Variants in ANAPC7 observed in about 807,000 individuals in gnomAD.
ANAPC7 encodes the protein anaphase promoting complex subunit 7, also known as anaphase-promoting complex subunit 7.
ANAPC7 carries 25 observed loss-of-function variants against 63.3 expected under a neutral mutation model. That is an observed-to-expected ratio of 0.39 (90% CI 0.29 to 0.55). The LOEUF (loss-of-function observed/expected upper bound fraction) is 0.55, where lower values mean the gene tolerates loss of function less well. Among genes scored for constraint, ANAPC7 ranks in the 20% least tolerant of loss-of-function variants. ANAPC7 has a pLI of 0.57. For missense variants in ANAPC7, 516 were observed against 691.7 expected, an observed-to-expected ratio of 0.75 and a Z score of 2.85; for synonymous variants, 241 against 251.7, an observed-to-expected ratio of 0.96 and a Z score of 0.40.
intron 9 of ANAPC7, among the ~76,000 whole-genome samples, chr12:110,376,513 G>A (rs1432139182): frequency 7.7e-6 from 1 of 130,378 alleles, no homozygotes; most frequent in East Asian, 2.2e-4. Flanking sequence ...AGCTTGCAGT[G>A]AGCCGTGATT....
chr12:110,383,187 C>T, intron 6 of ANAPC7: 1 of 420,996 alleles, frequency 2.4e-6, no homozygotes, highest in Non-Finnish European at 4.3e-6. Context: ...ACCTGTAATT[C>T]CAGCACTTTA....
intron 3 of ANAPC7, among the ~76,000 whole-genome samples, chr12:110,392,690 A>T (rs1313924112): frequency 2.0e-5 from 3 of 152,238 alleles, no homozygotes; most frequent in Non-Finnish European, 4.4e-5. Flanking sequence ...TCATTTTATA[A>T]ATAAAAAAGT....
intron 7 of ANAPC7, among the ~76,000 whole-genome samples, 192 bp from the exon 8 acceptor site, chr12:110,382,140 A>G (rs1251261771): frequency 6.6e-6 from 1 of 151,974 alleles, no homozygotes; most frequent in Non-Finnish European, 1.5e-5. Flanking sequence ...TTTATTTTTA[A>G]GGGGAAATCT....
intron 8 of ANAPC7, 46 bp downstream of exon 8, chr12:110,381,706 G>A: frequency 6.3e-7 from 1 of 1,582,504 alleles, no homozygotes; most frequent in South Asian, 1.1e-5. Flanking sequence ...GAGGGCTGCT[G>A]CCACACCCAC....
intron 5 of ANAPC7, 165 bp downstream of exon 5, chr12:110,387,574 T>A (rs1882727903): frequency 1.4e-6 from 1 of 712,894 alleles, no homozygotes; most frequent in Non-Finnish European, 2.2e-6. Flanking sequence ...GATGATTACA[T>A]GATTACATTT....
At chr12:110,385,859 C>T (rs1882401954) in intron 6 of ANAPC7, among the ~76,000 whole-genome samples, 1 of 152,178 alleles carries the variant, frequency 6.6e-6, no homozygotes, top group African/African-American at 2.4e-5. Context: ...GATTACCCTT[C>T]ACCTGCAATC....
intron 3 of ANAPC7, among the ~76,000 whole-genome samples, chr12:110,393,386 T>C (rs896857654): frequency 6.6e-6 from 1 of 152,120 alleles, no homozygotes; most frequent in African/African-American, 2.4e-5. Context: ...TAGCCATTCT[T>C]TATTCCTTTA....
chr12:110,388,332 C>T (rs993264368), intron 4 of ANAPC7, among the ~76,000 whole-genome samples, 180 bp downstream of exon 4: 11 of 152,062 alleles, frequency 7.2e-5, no homozygotes, highest in South Asian at 2.1e-4. Context: ...CCACCATGCC[C>T]GGCCAAAAAC....
chr12:110,376,327 C>T (rs1412293707), intron 9 of ANAPC7, 111 bp from the exon 10 acceptor site: 29 of 1,231,934 alleles, frequency 2.4e-5, no homozygotes, highest in Middle Eastern at 4.4e-4. Context: ...CAACACAAAG[C>T]GAGGGCAAGC....
chr12:110,395,692 CCAT>C lies in ANAPC7; in HGVS notation c.289-475_289-473del, dbSNP rs550943142. On this transcript the variant is annotated intron_variant, in intron 2 of 10. Transcript: ENST00000455511. ...TAGCTGGGACTACAGGCATCCACCA[CCAT>C]GCCTGGCTAATTTTTTGTATTTTTA... Among the ~76,000 whole-genome samples the C allele has an allele frequency of 3.1e-3, 469 of 152,170 alleles. 1 individual carries two copies. The highest frequency in any genetic ancestry group is 0.01 in the African/African-American group (435 of 41,520).
At chr12:110,380,798 C>A (rs1297586649) in intron 8 of ANAPC7, among the ~76,000 whole-genome samples, 1 of 149,758 alleles carries the variant, frequency 6.7e-6, no homozygotes, top group Non-Finnish European at 1.5e-5. Context: ...ACTAAAAATA[C>A]AAAAAATTAG....
chr12:110,385,384 C>A (rs958157151), intron 6 of ANAPC7, among the ~76,000 whole-genome samples: 5 of 152,250 alleles, frequency 3.3e-5, no homozygotes, highest in Non-Finnish European at 7.3e-5. Context: ...TCTCTTCCAT[C>A]CCTTGCTATC....
At position 110,403,646 on chromosome 12, in the gene ANAPC7, G is replaced by C. The variant is rs769378462; in HGVS notation, c.-19C>G. ...CATTCATCCTGCTCTGCAAAGCCGC[G>C]GGCAGCGGCGGCAGCACTGACTCGA... On this transcript the variant is annotated 5_prime_UTR_variant, in exon 1 of 11. Transcript: ENST00000455511. 9 of 1,579,358 alleles carry C rather than the reference G, an allele frequency of 5.7e-6. No homozygotes were observed. The highest frequency in any genetic ancestry group is 1.3e-5 in the African/African-American group (1 of 74,374).
chr12:110,390,414 T>C (rs1000838604), intron 3 of ANAPC7, among the ~76,000 whole-genome samples: 12 of 152,096 alleles, frequency 7.9e-5, no homozygotes, highest in African/African-American at 2.9e-4. Context: ...TGCTAGATCA[T>C]TAACCTAAGG....
rs375431802 is a variant in ANAPC7 at position 110,394,076 on chromosome 12, T to C, written c.408+1025A>G. 1.8e-4 allele frequency among the ~76,000 whole-genome samples: 27 copies of C among 150,726 alleles called. No homozygotes were observed. In the East Asian group the frequency reaches 2.6e-3, roughly 14 times the overall value. On this transcript the variant is annotated intron_variant, in intron 3 of 10. Coordinates refer to ENST00000455511, the MANE Select transcript of ANAPC7 (RefSeq NM_016238.3). Reference sequence around the variant, plus strand: ...CTGTAATCCCAGCTACCCAGGAGGCTGAGGCAGGAGAATCACTTGAACCCG... The same window carrying C: ...CTGTAATCCCAGCTACCCAGGAGGCCGAGGCAGGAGAATCACTTGAACCCG...
intron 6 of ANAPC7, among the ~76,000 whole-genome samples, chr12:110,385,914 G>A (rs1882407948): frequency 6.6e-6 from 1 of 152,068 alleles, no homozygotes; most frequent in African/African-American, 2.4e-5. Flanking sequence ...CCTAATTACT[G>A]CCTTTAATCA....
At chr12:110,387,279 G>GAGAGAGAGAGAGAGAGAC (rs1566268826) in intron 5 of ANAPC7, 2 of 129,510 alleles carry the variant, frequency 1.5e-5, no homozygotes, top group East Asian at 2.2e-4. Flanking sequence ...GAGAGAGAGA[G>GAGAGAGAGAGAGAGAGAC]AGAGAGACAG....
At chr12:110,388,280 AC>A (rs1882792284) in intron 4 of ANAPC7, among the ~76,000 whole-genome samples, 1 of 151,974 alleles carries the variant, frequency 6.6e-6, no homozygotes, top group South Asian at 2.1e-4. Context: ...CAGGCAATCC[AC>A]CCACCTCAGC....
At chr12:110,403,186 G>C (rs1481236235) in intron 1 of ANAPC7, among the ~76,000 whole-genome samples, 1 of 152,186 alleles carries the variant, frequency 6.6e-6, no homozygotes, top group Non-Finnish European at 1.5e-5. Context: ...CGTTCTTCTG[G>C]AAGGAGCCGA....
Sources: allele counts gnomAD v4.1 joint callset (sites outside exome capture counted in the v4.1 genomes callset), GRCh38; gene constraint gnomAD v4.1.1; transcripts MANE v1.5; gene names NCBI Gene and HGNC (gene_info 2026-07-23, HGNC 2026-07-21).